Variants in SYNCRIP observed in about 807,000 individuals in gnomAD.
SYNCRIP encodes synaptotagmin binding cytoplasmic RNA interacting protein, also known as heterogeneous nuclear ribonucleoprotein Q.
In SYNCRIP, 9 loss-of-function variants were observed where a neutral mutation model predicts 68.9. That is an observed-to-expected ratio of 0.13 (90% CI 0.08 to 0.23). The LOEUF is 0.23. Ranked by LOEUF, SYNCRIP falls within the 10% of genes least tolerant of loss-of-function variation. SYNCRIP has a pLI of 1.00. For missense variants in SYNCRIP, 414 were observed against 770.6 expected (o/e 0.54, Z 5.48); for synonymous variants, 258 against 254.0 (o/e 1.02, Z -0.15).
At chr6:85,618,344 C>T (rs1162400638) in intron 10 of SYNCRIP, among the ~76,000 whole-genome samples, 2 of 151,590 alleles carry the variant, frequency 1.3e-5, no homozygotes, top group Non-Finnish European at 2.9e-5. Context: ...AGTTTGAGAC[C>T]AACCTGGCCA....
intron 10 of SYNCRIP, among the ~76,000 whole-genome samples, chr6:85,618,419 G>A (rs1306887560): frequency 6.6e-6 from 1 of 151,362 alleles, no homozygotes; most frequent in African/African-American, 2.4e-5. Flanking sequence ...GGTGGCGCCT[G>A]TAACCCAGCT....
chr6:85,613,325 T>A (rs1441125233), downstream of SYNCRIP, among the ~76,000 whole-genome samples: 1 of 152,248 alleles, frequency 6.6e-6, no homozygotes, highest in Non-Finnish European at 1.5e-5. Flanking sequence ...TCAGACTTGT[T>A]TGACCTTGAG....
At chr6:85,617,439 A>G in intron 10 of SYNCRIP, among the ~76,000 whole-genome samples, 1 of 150,836 alleles carries the variant, frequency 6.6e-6, no homozygotes. Flanking sequence ...AAGAAATAAA[A>G]AGAAGTTATT....
At chr6:85,632,546 C>T (rs1165507127) in intron 6 of SYNCRIP, among the ~76,000 whole-genome samples, 1 of 152,202 alleles carries the variant, frequency 6.6e-6, no homozygotes, top group Non-Finnish European at 1.5e-5. Context: ...TGTATTTTCT[C>T]TAGAATGTTT....
At chr6:85,616,349 A>T (rs1583244824) in intron 10 of SYNCRIP, among the ~76,000 whole-genome samples, 2 of 152,228 alleles carry the variant, frequency 1.3e-5, no homozygotes, top group African/African-American at 4.8e-5. Flanking sequence ...TATTTGAGAC[A>T]CAGTCTTGCT....
chr6:85,618,738 C>G, intron 10 of SYNCRIP, 80 bp downstream of exon 10: 1 of 1,248,804 alleles, frequency 8.0e-7, no homozygotes, highest in East Asian at 2.6e-5. Context: ...TTTAACAAGT[C>G]TGATCAACAC....
At chr6:85,627,196 C>T (rs1281969820) in intron 6 of SYNCRIP, among the ~76,000 whole-genome samples, 5 of 146,698 alleles carry the variant, frequency 3.4e-5, no homozygotes, top group East Asian at 4.1e-4. Flanking sequence ...TGAAACTGGG[C>T]GGCAGGGGTT....
intron 6 of SYNCRIP, among the ~76,000 whole-genome samples, chr6:85,634,996 C>G (rs1457577403): frequency 6.6e-6 from 1 of 152,140 alleles, no homozygotes; most frequent in Non-Finnish European, 1.5e-5. Flanking sequence ...ATAACCCCAT[C>G]TCTACCAAAT....
rs568484540 is a variant in SYNCRIP at position 85,631,730 on chromosome 6, T to C, written c.666+5237A>G. Among the ~76,000 whole-genome samples, 22 of 152,362 alleles carry C rather than the reference T, an allele frequency of 1.4e-4. No individual in the cohort carries two copies. In the East Asian group the frequency reaches 2.9e-3, roughly 20 times the overall value. ...TCAGGCTACCTGGTGACGTAACTTG[T>C]ACAGTTGGCTTAAATTGTTATGTCT... On this transcript the variant is annotated intron_variant, in intron 6 of 10. Coordinates refer to ENST00000369622, the MANE Select transcript of SYNCRIP (RefSeq NM_006372.5).
At chr6:85,612,725 T>A, downstream of SYNCRIP, 1 of 627,620 alleles carries the variant, frequency 1.6e-6, no homozygotes, top group Non-Finnish European at 2.5e-6. Context: ...AGTCCAAGTA[T>A]TAGTTCAATG....
At position 85,640,205 on chromosome 6, in the gene SYNCRIP, G is replaced by C. The variant is rs755941343; in HGVS notation, c.375+16C>G. On this transcript the variant is annotated intron_variant, in intron 4 of 10. Transcript: ENST00000369622. ...TAAAATGACTTTAAAACTAAAGGGA[G>C]TATAGAAAGACATACCTTAATTTTT... The C allele has an allele frequency of 1.3e-6, 2 of 1,554,980 alleles. No individual in the cohort carries two copies. Among genetic ancestry groups the C allele is most frequent in the East Asian group, 2.2e-5 (1 of 44,524 alleles).
intron 4 of SYNCRIP, among the ~76,000 whole-genome samples, chr6:85,639,343 A>G (rs1430375662): frequency 6.6e-6 from 1 of 152,280 alleles, no homozygotes; most frequent in East Asian, 1.9e-4. Flanking sequence ...CAACTGAATT[A>G]CAATGGAGAC....
At chr6:85,616,265 AT>A (rs1221925493) in intron 10 of SYNCRIP, among the ~76,000 whole-genome samples, 2 of 152,240 alleles carry the variant, frequency 1.3e-5, no homozygotes, top group East Asian at 3.8e-4. Flanking sequence ...AAATATGGAA[AT>A]TAATCCCTCT....
chr6:85,639,533 T>C (rs943292738), intron 4 of SYNCRIP, among the ~76,000 whole-genome samples: 4 of 152,200 alleles, frequency 2.6e-5, no homozygotes, highest in Admixed American at 1.3e-4. Context: ...TCAAGGCCTA[T>C]ACCCTTAACT....
intron 10 of SYNCRIP, among the ~76,000 whole-genome samples, chr6:85,616,274 T>C (rs1018735689): frequency 5.3e-5 from 8 of 152,184 alleles, no homozygotes; most frequent in African/African-American, 1.9e-4. Context: ...AATTAATCCC[T>C]CTTGAAGGAA....
intron 4 of SYNCRIP, among the ~76,000 whole-genome samples, chr6:85,639,362 TCCA>T (rs2128303523): frequency 6.6e-6 from 1 of 152,294 alleles, no homozygotes; most frequent in East Asian, 1.9e-4. Context: ...ACAACTATAC[TCCA>T]CTTTTATGGA....
chr6:85,634,128 T>A (rs1808154814), intron 6 of SYNCRIP, among the ~76,000 whole-genome samples: 1 of 152,182 alleles, frequency 6.6e-6, no homozygotes, highest in Non-Finnish European at 1.5e-5. Context: ...AAAACTATAT[T>A]AATAAGACTA....
chr6:85,614,919 T>C lies in SYNCRIP; in HGVS notation c.1709A>G (p.Tyr570Cys). Residue 570 changes from tyrosine (Y) to cysteine (C), a missense_variant, in exon 11 of 11, where the codon TAC becomes TGC. Tyr to Cys is a radical substitution (Grantham distance 194). Coordinates refer to ENST00000369622, the MANE Select transcript of SYNCRIP (RefSeq NM_006372.5). Reference protein sequence around the residue: ...NVGGKRKADGYNQPDSKRRQT... With the variant: ...NVGGKRKADGCNQPDSKRRQT... ...GCGCCGCTTGGAATCTGGCTGGTTG[T>C]ACCCATCAGCTTTGCGCTTTCCTCC... 6.2e-7 allele frequency: 1 copy of C among 1,614,192 alleles called. No homozygotes were observed. The highest frequency in any genetic ancestry group is 8.5e-7 in the Non-Finnish European group (1 of 1,180,036).
rs1487341299 is a variant in SYNCRIP, at chr6:85,614,679, T to C, written c.*77A>G. 8 of 1,469,600 alleles carry C rather than the reference T, an allele frequency of 5.4e-6. No individual in the cohort carries two copies. Among genetic ancestry groups the C allele is most frequent in the Middle Eastern group, 2.0e-4 (1 of 4,988 alleles). The allele number at this position is 1,469,600 out of a possible 1,614,324, so 91.0% of individuals were successfully genotyped here. A position where few individuals can be genotyped will look rare whatever the true frequency, so the allele number is the denominator to read the frequency against. On this transcript the variant is annotated 3_prime_UTR_variant, in exon 11 of 11. Transcript: ENST00000369622. ...AAATCTTGCCAGATGTCACAAATTA[T>C]AGCGGCACCCGTTCAGATTTAGGGT... is the stretch of plus-strand genomic sequence containing the variant.
Sources: gnomAD v4.1 joint callset for allele counts (sites outside exome capture counted in the v4.1 genomes callset) on GRCh38, gnomAD v4.1.1 for gene constraint, MANE v1.5 for transcripts, NCBI Gene and HGNC (gene_info 2026-07-23, HGNC 2026-07-21) for gene names.